NEO1: variants seen among roughly 807,000 people sequenced by gnomAD.
NEO1 encodes the protein neogenin.
A neutral mutation model predicts 159.7 loss-of-function variants in NEO1; 63 were observed. The observed-to-expected ratio is 0.39, with a 90% CI of 0.32 to 0.49. The LOEUF is 0.49. NEO1 is among the 20% of genes least tolerant of loss of function. The probability of loss-of-function intolerance (pLI) is 0.85; values close to 1 mark genes in which losing one functional copy is unlikely to be tolerated. For synonymous variants in NEO1, 633 were observed against 662.0 expected, an observed-to-expected ratio of 0.96 and a Z score of 0.67; for missense variants, 1,615 against 1,831.0, an observed-to-expected ratio of 0.88 and a Z score of 2.15.
intron 7 of NEO1, among the ~76,000 whole-genome samples, chr15:73,199,472 T>C (rs2036737679): frequency 6.6e-6 from 1 of 152,208 alleles, no homozygotes; most frequent in South Asian, 2.1e-4. Context: ...GTGGGCTAAG[T>C]ATTTACATAG....
chr15:73,300,468 G>T (rs997954381), intron 27 of NEO1, among the ~76,000 whole-genome samples: 1 of 152,210 alleles, frequency 6.6e-6, no homozygotes, highest in Non-Finnish European at 1.5e-5. Context: ...GGTGGCTCAC[G>T]CTTGTAATCC....
chr15:73,090,439 T>G (rs759263148), intron 1 of NEO1, among the ~76,000 whole-genome samples: 2 of 152,182 alleles, frequency 1.3e-5, no homozygotes, highest in Non-Finnish European at 2.9e-5. Flanking sequence ...GTTAAAAATG[T>G]CTGGAAGGAT....
chr15:73,261,580 C>A lies in NEO1; in HGVS notation c.2398+1115C>A, dbSNP rs181887634. On this transcript the variant is annotated intron_variant, in intron 15 of 28. Coordinates refer to ENST00000261908, the MANE Select transcript of NEO1 (RefSeq NM_002499.4). ...ATAACAATACCACGTAGAATAGCATCAAAAAATATGAAGTACATAGGAGCA... is the reference window on the plus strand; with the variant it reads ...ATAACAATACCACGTAGAATAGCATAAAAAAATATGAAGTACATAGGAGCA... Among the ~76,000 whole-genome samples, 3 of 152,120 alleles carry A rather than the reference C, an allele frequency of 2.0e-5. No individual in the cohort carries two copies. In the East Asian group the frequency reaches 5.8e-4, roughly 29 times the overall value.
chr15:73,135,227 C>T (rs1312343283), intron 4 of NEO1, among the ~76,000 whole-genome samples: 1 of 152,088 alleles, frequency 6.6e-6, no homozygotes. Flanking sequence ...CTCTTTAAAT[C>T]GGCTTAAATA....
chr15:73,204,413 C>T (rs146039321), intron 7 of NEO1, among the ~76,000 whole-genome samples: 11 of 152,092 alleles, frequency 7.2e-5, no homozygotes, highest in African/African-American at 2.2e-4. Context: ...TCTGATATTC[C>T]AATTAGATGT....
rs973446067 is a variant in NEO1, at chr15:73,300,893, C to T, written c.4166-428C>T. ...AACTGGCTTTTTTAAACTGCACGTG[C>T]GTGTCAGTGAATGGCTTTACAGTTT... On this transcript the variant is annotated intron_variant, in intron 27 of 28. Coordinates refer to ENST00000261908, the MANE Select transcript of NEO1 (RefSeq NM_002499.4). Among the ~76,000 whole-genome samples the T allele has an allele frequency of 3.9e-5, 6 of 152,192 alleles. No homozygotes were observed. In the East Asian group the frequency reaches 7.7e-4, roughly 20 times the overall value.
chr15:73,275,635 A>T (rs1335838223), intron 21 of NEO1, among the ~76,000 whole-genome samples: 1 of 152,146 alleles, frequency 6.6e-6, no homozygotes, highest in Non-Finnish European at 1.5e-5. Context: ...TGCCTAGGTG[A>T]CAGAGTGAGA....
In NEO1 at chr15:73,302,554, C is replaced by T. The variant is rs984384738; in HGVS notation, c.4303-59C>T. 1.4e-5 allele frequency: 21 copies of T among 1,511,006 alleles called. No homozygotes were observed. The Admixed American group carries it at 2.2e-4, about 16-fold the overall frequency. The allele number at this position is 1,511,006 out of a possible 1,614,324, so 93.6% of individuals were successfully genotyped here. A position where few individuals can be genotyped will look rare whatever the true frequency, so the allele number is the denominator to read the frequency against. ...CATGAGGCTTTGGCCTCTCTCTGGG[C>T]TCTCCTTTCTGAGCTGCTCCCTGGA... On this transcript the variant is annotated intron_variant, in intron 28 of 28. Transcript: ENST00000261908.
chr15:73,185,285 TG>T, intron 7 of NEO1, among the ~76,000 whole-genome samples: 1 of 152,292 alleles, frequency 6.6e-6, no homozygotes, highest in African/African-American at 2.4e-5. Flanking sequence ...GGACTTTGGG[TG>T]ATAATGATGT....
intron 8 of NEO1, among the ~76,000 whole-genome samples, chr15:73,239,276 A>T (rs577146382): frequency 9.2e-5 from 14 of 152,170 alleles, no homozygotes; most frequent in Non-Finnish European, 8.8e-5. Context: ...TAGTCTAGGG[A>T]AGGTGATTTG....
chr15:73,215,604 A>C (rs1184046505), intron 7 of NEO1, among the ~76,000 whole-genome samples: 3 of 152,204 alleles, frequency 2.0e-5, no homozygotes, highest in Admixed American at 2.0e-4. Flanking sequence ...GCGTATGTTA[A>C]ACCATCTCTG....
At chr15:73,206,088 G>A (rs1277984483) in intron 7 of NEO1, among the ~76,000 whole-genome samples, 1 of 151,948 alleles carries the variant, frequency 6.6e-6, no homozygotes, top group African/African-American at 2.4e-5. Flanking sequence ...TTGTATTTTA[G>A]TAGAGATGAG....
At chr15:73,292,459 TC>T (rs2042196477) in intron 25 of NEO1, among the ~76,000 whole-genome samples, 1 of 152,222 alleles carries the variant, frequency 6.6e-6, no homozygotes, top group Non-Finnish European at 1.5e-5. Context: ...ACGTGCCATT[TC>T]TACAACCACT....
rs138589758 is a variant in NEO1 at position 73,176,498 on chromosome 15, A to G, written c.1111A>G (p.Thr371Ala). The G allele has an allele frequency of 2.3e-5, 37 of 1,612,388 alleles. No individual in the cohort carries two copies. The highest frequency in any genetic ancestry group is 6.6e-5 in the South Asian group (6 of 90,762). The change falls in exon 6 of 29, where the codon ACT (threonine) becomes GCT (alanine). Residue 371 changes from threonine (T) to alanine (A), a missense_variant. Around this residue, in one of 3 missense-constraint regions of NEO1, gnomAD observed 1,018 missense variants for 1,115.4 expected, o/e 0.91. Transcript: ENST00000261908. ...ECEVTGKPTP[T>A]VKWVKNGDMV... Reference sequence around the variant, plus strand: ...TGAAGTGACTGGAAAACCAACTCCAACTGTGAAGTGGGTCAAAAATGGGGA... The same window carrying G: ...TGAAGTGACTGGAAAACCAACTCCAGCTGTGAAGTGGGTCAAAAATGGGGA...
chr15:73,051,769 T>A (rs945942148), upstream of NEO1: 1 of 150,930 alleles, frequency 6.6e-6, no homozygotes, highest in African/African-American at 2.4e-5. Context: ...CCAGCAAGAG[T>A]CGGGCGGGAT....
chr15:73,166,208 G>A (rs1320438569), intron 5 of NEO1, among the ~76,000 whole-genome samples: 1 of 152,174 alleles, frequency 6.6e-6, no homozygotes, highest in Non-Finnish European at 1.5e-5. Flanking sequence ...AAAATAGCAA[G>A]TGTTGGTAAG....
chr15:73,272,612 A>G (rs1215931954), intron 19 of NEO1, 50 bp downstream of exon 19: 1 of 1,300,316 alleles, frequency 7.7e-7, no homozygotes, highest in South Asian at 1.2e-5. Flanking sequence ...CCTGCCTGAC[A>G]GGAGTATTCC....
At chr15:73,078,110 C>T (rs1015025190) in intron 1 of NEO1, among the ~76,000 whole-genome samples, 2 of 152,186 alleles carry the variant, frequency 1.3e-5, no homozygotes, top group Admixed American at 1.3e-4. Context: ...AGAAAAGAAG[C>T]GTCCTTGATC....
chr15:73,067,451 T>C (rs867523623), intron 1 of NEO1, among the ~76,000 whole-genome samples: 1 of 146,958 alleles, frequency 6.8e-6, no homozygotes, highest in African/African-American at 2.6e-5. Flanking sequence ...TGCTTTTCTT[T>C]CTTTTTTTTT....
Sources: gnomAD v4.1 joint callset for allele counts (sites outside exome capture counted in the v4.1 genomes callset) on GRCh38, gnomAD v4.1.1 for gene constraint, gnomAD v4.1.1 regional missense constraint, MANE v1.5 for transcripts, NCBI Gene and HGNC (gene_info 2026-07-23, HGNC 2026-07-21) for gene names.